CCDC148: variants seen among roughly 807,000 people sequenced by gnomAD.
CCDC148 encodes coiled-coil domain containing 148, also known as coiled-coil domain-containing protein 148.
In CCDC148, 89 loss-of-function variants were observed where a neutral mutation model predicts 85.7. The observed-to-expected ratio is 1.04, with a 90% CI of 0.87 to 1.24. The LOEUF (loss-of-function observed/expected upper bound fraction) is 1.24, where lower values mean the gene tolerates loss of function less well. Ranked by LOEUF, CCDC148 falls within the 50% of genes most tolerant of loss-of-function variation. The pLI is 0.00. For missense variants in CCDC148, 692 were observed against 671.7 expected (o/e 1.03, Z -0.33); for synonymous variants, 230 against 213.9 (o/e 1.08, Z -0.66).
chr2:158,256,635 T>A (rs1309625308), intron 9 of CCDC148, among the ~76,000 whole-genome samples: 1 of 151,786 alleles, frequency 6.6e-6, no homozygotes, highest in East Asian at 1.9e-4. Flanking sequence ...AATTGCCATT[T>A]ATGAGAGATT....
intron 1 of CCDC148, among the ~76,000 whole-genome samples, chr2:158,440,897 T>C (rs1443292762): frequency 6.6e-6 from 1 of 152,022 alleles, no homozygotes; most frequent in African/African-American, 2.4e-5. Context: ...AAAAAGAAAA[T>C]GAGCCAGGCA....
intron 9 of CCDC148, among the ~76,000 whole-genome samples, chr2:158,308,702 C>T (rs1461148618): frequency 6.6e-6 from 1 of 152,224 alleles, no homozygotes; most frequent in Non-Finnish European, 1.5e-5. Context: ...CTGGCCAACA[C>T]TCCTGGGGAG....
chr2:158,203,551 T>A (rs1352304152), intron 11 of CCDC148, among the ~76,000 whole-genome samples: 1 of 152,030 alleles, frequency 6.6e-6, no homozygotes, highest in Non-Finnish European at 1.5e-5. Flanking sequence ...GAGACAGATA[T>A]GGGGAAAGAG....
chr2:158,374,049 T>A (rs547611369), intron 1 of CCDC148, among the ~76,000 whole-genome samples: 2 of 152,070 alleles, frequency 1.3e-5, no homozygotes, highest in Non-Finnish European at 2.9e-5. Context: ...AGCAAACATA[T>A]AGTTTTCACC....
At chr2:158,433,018 G>C (rs1687426509) in intron 1 of CCDC148, among the ~76,000 whole-genome samples, 2 of 145,068 alleles carry the variant, frequency 1.4e-5, no homozygotes, top group African/African-American at 5.1e-5. Context: ...TGGGTGGACT[G>C]CTTCAGCTCA....
At chr2:158,319,761 A>C (rs1426362897) in intron 7 of CCDC148, among the ~76,000 whole-genome samples, 1 of 152,192 alleles carries the variant, frequency 6.6e-6, no homozygotes, top group Non-Finnish European at 1.5e-5. Context: ...GTACTATGAA[A>C]GGATGTAGAG....
At chr2:158,381,049 T>C (rs933738773) in intron 1 of CCDC148, 7 of 152,142 alleles carry the variant, frequency 4.6e-5, no homozygotes, top group African/African-American at 1.4e-4. Flanking sequence ...TTCATGACCT[T>C]GGAATTGGCA....
intron 11 of CCDC148, among the ~76,000 whole-genome samples, chr2:158,214,470 T>C (rs12463492): frequency 1 from 152,246 of 152,334 alleles, 76,079 homozygotes; most frequent in Middle Eastern, 1. Flanking sequence ...AAAACTATAG[T>C]CGAGTGAATT....
At chr2:158,413,588 A>AT (rs1315374119) in intron 1 of CCDC148, among the ~76,000 whole-genome samples, 1 of 127,450 alleles carries the variant, frequency 7.8e-6, no homozygotes, top group African/African-American at 2.7e-5. Context: ...GCTCTAGAAC[A>AT]TTTTTTTCTC....
intron 3 of CCDC148, among the ~76,000 whole-genome samples, chr2:158,341,632 T>C (rs1682700439): frequency 4.3e-5 from 1 of 23,230 alleles, no homozygotes; most frequent in African/African-American, 1.4e-4. Flanking sequence ...TTTTAAAATA[T>C]AGTCATTTTT....
intron 9 of CCDC148, among the ~76,000 whole-genome samples, chr2:158,301,175 T>C (rs916506373): frequency 6.6e-6 from 1 of 152,134 alleles, no homozygotes; most frequent in Non-Finnish European, 1.5e-5. Flanking sequence ...GAATTTTAGA[T>C]AGAGCATTCT....
At chr2:158,203,283 T>C (rs1686063368) in intron 11 of CCDC148, among the ~76,000 whole-genome samples, 1 of 152,216 alleles carries the variant, frequency 6.6e-6, no homozygotes, top group Non-Finnish European at 1.5e-5. Context: ...CAGATATGAA[T>C]TCGTCTTATT....
intron 11 of CCDC148, among the ~76,000 whole-genome samples, chr2:158,208,101 A>G (rs997054455): frequency 6.6e-6 from 1 of 152,196 alleles, no homozygotes; most frequent in Non-Finnish European, 1.5e-5. Context: ...ATAGATCATG[A>G]CAAGATGAGA....
intron 7 of CCDC148, among the ~76,000 whole-genome samples, chr2:158,333,801 C>A (rs142108533): frequency 5.9e-5 from 9 of 152,080 alleles, no homozygotes; most frequent in Admixed American, 2.0e-4. Flanking sequence ...ATCTGCTTGG[C>A]TATTCTCTGG....
At chr2:158,263,788 G>A (rs1689339022) in intron 9 of CCDC148, among the ~76,000 whole-genome samples, 1 of 151,862 alleles carries the variant, frequency 6.6e-6, no homozygotes, top group South Asian at 2.1e-4. Flanking sequence ...CAAGTTAAAT[G>A]GATTACAAAG....
chr2:158,212,921 TCAAGAA>T (rs879380197), intron 11 of CCDC148, among the ~76,000 whole-genome samples: 2 of 152,212 alleles, frequency 1.3e-5, no homozygotes, highest in Non-Finnish European at 2.9e-5. Context: ...TGGAATGGTC[TCAAGAA>T]CCCAGTAGGT....
At chr2:158,189,459 T>C (rs912128931) in intron 11 of CCDC148, among the ~76,000 whole-genome samples, 7 of 151,910 alleles carry the variant, frequency 4.6e-5, no homozygotes, top group Non-Finnish European at 8.8e-5. Context: ...CCATGGAATG[T>C]TAATTTCCCA....
At chr2:158,378,616 G>T (rs10168729) in intron 1 of CCDC148, among the ~76,000 whole-genome samples, 8,292 of 152,148 alleles carry the variant, frequency 0.054, 428 homozygotes, top group African/African-American at 0.13. Context: ...GAGATTCAAA[G>T]GACAGGCTGA....
chr2:158,321,714 T>G (rs1692526660), intron 7 of CCDC148, among the ~76,000 whole-genome samples: 2 of 152,248 alleles, frequency 1.3e-5, no homozygotes. Flanking sequence ...CACATATTTT[T>G]AAAGACAATT....
Sources: gnomAD v4.1 joint callset for allele counts (sites outside exome capture counted in the v4.1 genomes callset) on GRCh38, gnomAD v4.1.1 for gene constraint, MANE v1.5 for transcripts, NCBI Gene and HGNC (gene_info 2026-07-23, HGNC 2026-07-21) for gene names.